TMEM123: variants seen among roughly 807,000 people sequenced by gnomAD.
TMEM123 encodes the protein transmembrane protein 123.
A neutral mutation model predicts 19.7 loss-of-function variants in TMEM123; 16 were observed. That is an observed-to-expected ratio of 0.81 (90% CI 0.55 to 1.23). TMEM123 has a LOEUF of 1.23. TMEM123 is among the 50% of genes most tolerant of loss of function. The pLI, the probability that TMEM123 is intolerant of heterozygous loss-of-function variation, is 0.00. For missense variants in TMEM123, 313 were observed against 257.8 expected (o/e 1.21, Z -1.47); for synonymous variants, 118 against 99.4 (o/e 1.19, Z -1.12).
intron 2 of TMEM123, among the ~76,000 whole-genome samples, chr11:102,406,788 G>A (rs985092890): frequency 2.0e-5 from 3 of 151,398 alleles, no homozygotes; most frequent in South Asian, 2.1e-4. Flanking sequence ...GGAGAATGGC[G>A]TGAACCTGGG....
At chr11:102,398,998 A>G in intron 4 of TMEM123, 107 bp from the exon 5 acceptor site, 3 of 1,000,730 alleles carry the variant, frequency 3.0e-6, no homozygotes, top group Non-Finnish European at 4.5e-6. Context: ...CAAGCTGCAC[A>G]ATCAAAATGG....
At chr11:102,444,873 C>T (rs539675761) in intron 2 of TMEM123, among the ~76,000 whole-genome samples, 5 of 152,060 alleles carry the variant, frequency 3.3e-5, no homozygotes, top group Middle Eastern at 3.4e-3. Context: ...TTTGTAGGGA[C>T]GTGGATGAAG....
At chr11:102,446,939 AT>A (rs1482763877) in intron 2 of TMEM123, among the ~76,000 whole-genome samples, 2 of 152,258 alleles carry the variant, frequency 1.3e-5, no homozygotes, top group African/African-American at 4.8e-5. Flanking sequence ...GGTAAACAGT[AT>A]GTTCAAAGAA....
At chr11:102,417,521 G>A (rs1318697954) in intron 2 of TMEM123, among the ~76,000 whole-genome samples, 2 of 152,064 alleles carry the variant, frequency 1.3e-5, no homozygotes, top group African/African-American at 4.8e-5. Flanking sequence ...AACACAAATA[G>A]AAAACCATTC....
intron 1 of TMEM123, among the ~76,000 whole-genome samples, chr11:102,450,397 C>A (rs117382339): frequency 0.026 from 3,998 of 152,276 alleles, 82 homozygotes; most frequent in Non-Finnish European, 0.036. Context: ...AGCCGCCCCT[C>A]CCATCCTGTT....
At chr11:102,440,343 C>CG (rs1297035399) in intron 2 of TMEM123, among the ~76,000 whole-genome samples, 52 of 152,242 alleles carry the variant, frequency 3.4e-4, no homozygotes, top group African/African-American at 1.1e-3. Flanking sequence ...AGACTAACAG[C>CG]GGATGTCTCG....
At chr11:102,409,871 A>G (rs1453356233) in intron 2 of TMEM123, among the ~76,000 whole-genome samples, 4 of 151,810 alleles carry the variant, frequency 2.6e-5, no homozygotes, top group Non-Finnish European at 4.4e-5. Context: ...TCACAAACAA[A>G]CAAACAAACT....
intron 2 of TMEM123, among the ~76,000 whole-genome samples, chr11:102,429,197 T>G (rs886783946): frequency 5.9e-5 from 9 of 152,002 alleles, no homozygotes; most frequent in Non-Finnish European, 1.3e-4. Flanking sequence ...CTTCTTTAGG[T>G]TTTGTGAATG....
At chr11:102,407,007 TAGC>T (rs1436076219) in intron 2 of TMEM123, among the ~76,000 whole-genome samples, 4 of 151,792 alleles carry the variant, frequency 2.6e-5, no homozygotes, top group African/African-American at 9.7e-5. Context: ...GGGGGAGGCT[TAGC>T]AGGAGGATCT....
At position 102,433,908 on chromosome 11, in the gene TMEM123, GT is replaced by G. The variant is rs142589528; in HGVS notation, c.157+14903del. 9.0e-3 allele frequency among the ~76,000 whole-genome samples: 1,363 copies of G among 151,810 alleles called. 30 individuals carry two copies. Among genetic ancestry groups the G allele is most frequent in the African/African-American group, 0.031 (1,284 of 41,470 alleles). ...GAGGTGCCTTCTGCCATGATTATAAGTTTCCTGAGGCCTCCCTAGCCATGTG... is the reference window on the plus strand; with the variant it reads ...GAGGTGCCTTCTGCCATGATTATAAGTTCCTGAGGCCTCCCTAGCCATGTG... On this transcript the variant is annotated intron_variant, in intron 2 of 4. Coordinates refer to ENST00000398136, the MANE Select transcript of TMEM123 (RefSeq NM_052932.3).
chr11:102,427,401 A>G (rs886504218), intron 2 of TMEM123, among the ~76,000 whole-genome samples: 1 of 151,720 alleles, frequency 6.6e-6, no homozygotes, highest in Non-Finnish European at 1.5e-5. Context: ...GCAGAAGTGG[A>G]AGAGAAGGCA....
intron 2 of TMEM123, among the ~76,000 whole-genome samples, chr11:102,441,948 T>C (rs1857830910): frequency 6.6e-6 from 1 of 152,120 alleles, no homozygotes; most frequent in Non-Finnish European, 1.5e-5. Flanking sequence ...CTAGAAAATC[T>C]AGAAGAAATG....
intron 2 of TMEM123, among the ~76,000 whole-genome samples, chr11:102,430,491 G>A (rs978799786): frequency 6.6e-6 from 1 of 152,194 alleles, no homozygotes; most frequent in Non-Finnish European, 1.5e-5. Context: ...AGAGGTCTAG[G>A]ACTGGACCTG....
chr11:102,429,376 G>A (rs1439189540), intron 2 of TMEM123, among the ~76,000 whole-genome samples: 1 of 152,044 alleles, frequency 6.6e-6, no homozygotes, highest in Non-Finnish European at 1.5e-5. Flanking sequence ...TTCCTCTTCA[G>A]TTTTTTTCCT....
chr11:102,416,599 TAAA>T (rs1222133510), intron 2 of TMEM123, among the ~76,000 whole-genome samples: 1 of 151,958 alleles, frequency 6.6e-6, no homozygotes, highest in East Asian at 1.9e-4. Flanking sequence ...TAATAAAATA[TAAA>T]ATTATTCCAA....
At chr11:102,408,078 G>C (rs2135845568) in intron 2 of TMEM123, among the ~76,000 whole-genome samples, 1 of 152,250 alleles carries the variant, frequency 6.6e-6, no homozygotes, top group African/African-American at 2.4e-5. Context: ...TTGTTTTAAT[G>C]AAAGTTGAGA....
At chr11:102,444,968 A>C (rs1262863235) in intron 2 of TMEM123, among the ~76,000 whole-genome samples, 1 of 151,736 alleles carries the variant, frequency 6.6e-6, no homozygotes, top group Non-Finnish European at 1.5e-5. Context: ...GAACTGAACA[A>C]AGAGAACACT....
intron 2 of TMEM123, among the ~76,000 whole-genome samples, chr11:102,414,137 CA>C (rs1952026091): frequency 6.6e-6 from 1 of 151,962 alleles, no homozygotes; most frequent in Non-Finnish European, 1.5e-5. Context: ...TCAACTCAGT[CA>C]GACAAAGAAA....
At chr11:102,412,628 C>T (rs1304013346) in intron 2 of TMEM123, among the ~76,000 whole-genome samples, 1 of 152,002 alleles carries the variant, frequency 6.6e-6, no homozygotes, top group East Asian at 1.9e-4. Flanking sequence ...ATATCATATG[C>T]AAGTCTTTAA....
Sources: gnomAD v4.1 joint callset for allele counts (sites outside exome capture counted in the v4.1 genomes callset) on GRCh38, gnomAD v4.1.1 for gene constraint, MANE v1.5 for transcripts, NCBI Gene and HGNC (gene_info 2026-07-23, HGNC 2026-07-21) for gene names.